Variants in SGCD observed in about 807,000 individuals in gnomAD.
SGCD encodes the protein sarcoglycan delta.
In SGCD, 18 loss-of-function variants were observed where a neutral mutation model predicts 36.6. That is an observed-to-expected ratio of 0.49 (90% CI 0.34 to 0.73). The LOEUF is 0.73. Among genes scored for constraint, SGCD ranks in the 30% least tolerant of loss-of-function variants. The probability of loss-of-function intolerance (pLI) is 0.01; values close to 1 mark genes in which losing one functional copy is unlikely to be tolerated. For synonymous variants in SGCD, 133 were observed against 130.6 expected, an observed-to-expected ratio of 1.02 and a Z score of -0.12; for missense variants, 387 against 346.7, an observed-to-expected ratio of 1.12 and a Z score of -0.92.
At chr5:155,811,760 A>G in the SGCD span, among the ~76,000 whole-genome samples, 530 of 152,318 alleles carry the variant, frequency 3.5e-3, no homozygotes, top group Middle Eastern at 6.8e-3. Flanking sequence ...CGCAGTGTCA[A>G]TAATGCACTG....
At chr5:156,396,707 T>G (rs1175463279) in intron 3 of SGCD, among the ~76,000 whole-genome samples, 1 of 152,208 alleles carries the variant, frequency 6.6e-6, no homozygotes, top group Non-Finnish European at 1.5e-5. Flanking sequence ...AAAAAGAGTG[T>G]GTTCTCACAA....
chr5:156,356,065 T>C (rs1401347059), intron 3 of SGCD, among the ~76,000 whole-genome samples: 1 of 152,258 alleles, frequency 6.6e-6, no homozygotes, highest in Non-Finnish European at 1.5e-5. Flanking sequence ...GTATATCTTA[T>C]GTGCCTTTAT....
At chr5:156,657,000 T>C (rs1318243707) in intron 7 of SGCD, among the ~76,000 whole-genome samples, 1 of 152,184 alleles carries the variant, frequency 6.6e-6, no homozygotes, top group Non-Finnish European at 1.5e-5. Flanking sequence ...AAACAAGGAT[T>C]AGACAAGGCT....
intron 2 of SGCD, among the ~76,000 whole-genome samples, chr5:156,341,732 C>T (rs1023910017): frequency 5.3e-5 from 8 of 152,162 alleles, no homozygotes; most frequent in African/African-American, 9.6e-5. Context: ...TTTTTTGAGA[C>T]GAAGTCTTCA....
intron 3 of SGCD, among the ~76,000 whole-genome samples, chr5:156,195,520 G>A (rs1764003222): frequency 6.6e-6 from 1 of 152,168 alleles, no homozygotes; most frequent in Non-Finnish European, 1.5e-5. Context: ...GAAAATGCAG[G>A]AAAGTGCCAG....
chr5:156,119,456 T>C (rs938086792), intron 2 of SGCD, among the ~76,000 whole-genome samples: 38 of 152,162 alleles, frequency 2.5e-4, no homozygotes, highest in African/African-American at 8.9e-4. Flanking sequence ...GAAGCATTGT[T>C]GGCAACAGGA....
intron 1 of SGCD, among the ~76,000 whole-genome samples, chr5:155,891,321 T>C (rs1756124320): frequency 6.6e-6 from 1 of 152,098 alleles, no homozygotes; most frequent in Non-Finnish European, 1.5e-5. Flanking sequence ...GAAATAGAAC[T>C]TCTGAGCTCT....
intron 3 of SGCD, among the ~76,000 whole-genome samples, chr5:156,448,410 C>A (rs559024851): frequency 2.0e-5 from 3 of 152,050 alleles, no homozygotes; most frequent in South Asian, 2.1e-4. Flanking sequence ...TCAAGCAGAC[C>A]GTGAGGATAA....
chr5:155,829,695 T>G, the SGCD span, among the ~76,000 whole-genome samples: 1 of 152,204 alleles, frequency 6.6e-6, no homozygotes, highest in Non-Finnish European at 1.5e-5. Context: ...GAAGCCAAAG[T>G]AGCAATTTCT....
intron 3 of SGCD, among the ~76,000 whole-genome samples, chr5:156,158,380 G>A (rs540446979): frequency 2.0e-5 from 3 of 151,648 alleles, no homozygotes; most frequent in East Asian, 1.9e-4. Context: ...CCATTTTACC[G>A]GTTAAGAAAC....
intron 3 of SGCD, among the ~76,000 whole-genome samples, chr5:156,183,203 A>G (rs1445564895): frequency 1.3e-5 from 2 of 152,140 alleles, no homozygotes; most frequent in Non-Finnish European, 2.9e-5. Context: ...AGCTAAGACC[A>G]TTGTCCTAGA....
chr5:155,758,451 A>G, the SGCD span, among the ~76,000 whole-genome samples: 3 of 152,210 alleles, frequency 2.0e-5, no homozygotes, highest in Non-Finnish European at 2.9e-5. Context: ...TTGCAAAAAG[A>G]TAATTTGCAA....
At chr5:156,260,793 T>C (rs1433806909) in intron 3 of SGCD, among the ~76,000 whole-genome samples, 1 of 152,164 alleles carries the variant, frequency 6.6e-6, no homozygotes, top group African/African-American at 2.4e-5. Context: ...GTTTTCACCA[T>C]TAAATAGATT....
chr5:156,294,713 G>A (rs1009275435), intron 3 of SGCD, among the ~76,000 whole-genome samples: 2 of 152,070 alleles, frequency 1.3e-5, no homozygotes, highest in African/African-American at 4.8e-5. Flanking sequence ...TTTGTCAAAT[G>A]CTTTTTATGT....
intron 3 of SGCD, among the ~76,000 whole-genome samples, chr5:156,409,741 G>A (rs1220554436): frequency 6.6e-6 from 1 of 152,080 alleles, no homozygotes; most frequent in African/African-American, 2.4e-5. Context: ...ATAAAATAAT[G>A]GATAAATAGT....
chr5:156,519,643 A>T (rs188878206), intron 4 of SGCD, among the ~76,000 whole-genome samples: 460 of 152,328 alleles, frequency 3.0e-3, no homozygotes, highest in African/African-American at 0.01. Flanking sequence ...AAACGAATTC[A>T]GCAGCACATC....
chr5:156,556,544 G>C (rs962943960), intron 4 of SGCD, among the ~76,000 whole-genome samples: 1 of 152,082 alleles, frequency 6.6e-6, no homozygotes, highest in Non-Finnish European at 1.5e-5. Flanking sequence ...CTAATGCTGA[G>C]GTCCTCATGG....
In SGCD at chr5:155,938,411, TAAAC is replaced by T. The variant is rs745556731; in HGVS notation, c.-282+67991_-282+67994del. On this transcript the variant is annotated intron_variant, in intron 1 of 9. Transcript: ENST00000517913. Reference sequence around the variant, plus strand: ...GAGTTTGGGACTCAAAAAGGAAAAATAAACAAATTATAGATGAGTAAACAAACAT... The same window carrying T: ...GAGTTTGGGACTCAAAAAGGAAAAATAAATTATAGATGAGTAAACAAACAT... Among the ~76,000 whole-genome samples the T allele has an allele frequency of 2.2e-4, 34 of 152,220 alleles. No individual in the cohort carries two copies. The East Asian group carries it at 5.8e-3, about 26-fold the overall frequency.
intron 1 of SGCD, among the ~76,000 whole-genome samples, chr5:155,915,810 A>C (rs186366187): frequency 6.6e-6 from 1 of 152,326 alleles, no homozygotes; most frequent in East Asian, 1.9e-4. Flanking sequence ...AGTACATTTC[A>C]TATGTGTGAC....
Sources: allele counts gnomAD v4.1 joint callset (sites outside exome capture counted in the v4.1 genomes callset), GRCh38; gene constraint gnomAD v4.1.1; transcripts MANE v1.5; gene names NCBI Gene and HGNC (gene_info 2026-07-23, HGNC 2026-07-21).